The following GLI2 variants were observed in gnomAD, a reference collection of about 807,000 sequenced individuals.
GLI2 encodes the protein transcription activator GLI2.
In GLI2, 22 loss-of-function variants were observed where a neutral mutation model predicts 78.9. The ratio of observed to expected loss-of-function variants is 0.28; its 90% CI spans 0.20 to 0.40. The LOEUF is 0.40. Among genes scored for constraint, GLI2 ranks in the 10% least tolerant of loss-of-function variants. The probability of loss-of-function intolerance (pLI) is 1.00; values close to 1 mark genes in which losing one functional copy is unlikely to be tolerated. For missense variants in GLI2, 2,097 were observed against 2,213.2 expected (o/e 0.95, Z 1.05); for synonymous variants, 974 against 963.7 (o/e 1.01, Z -0.20).
chr2:120,756,363 A>G (rs1683033651), intron 1 of GLI2, among the ~76,000 whole-genome samples: 1 of 152,202 alleles, frequency 6.6e-6, no homozygotes, highest in South Asian at 2.1e-4. Context: ...ATTTGCTAAT[A>G]TTAAAGAATA....
chr2:120,911,065 C>G (rs1005884777), intron 2 of GLI2, among the ~76,000 whole-genome samples: 1 of 152,142 alleles, frequency 6.6e-6, no homozygotes, highest in Admixed American at 6.5e-5. Flanking sequence ...GAGTGGGCAC[C>G]CAGGAGAACA....
intron 3 of GLI2, among the ~76,000 whole-genome samples, chr2:120,939,416 G>C (rs1206083144): frequency 6.6e-6 from 1 of 152,134 alleles, no homozygotes; most frequent in Non-Finnish European, 1.5e-5. Context: ...CCAATCTCCT[G>C]CCTCAGGTCC....
At chr2:120,874,983 C>T (rs1041251322) in intron 2 of GLI2, among the ~76,000 whole-genome samples, 3 of 152,168 alleles carry the variant, frequency 2.0e-5, no homozygotes, top group Non-Finnish European at 4.4e-5. Context: ...CAGACACTTT[C>T]GGCCTGAAAC....
At chr2:120,966,334 C>A (rs536039142) in intron 5 of GLI2, among the ~76,000 whole-genome samples, 81 of 152,286 alleles carry the variant, frequency 5.3e-4, no homozygotes, top group African/African-American at 1.9e-3. Context: ...TGCCCCAAGT[C>A]ATGCAGCTGA....
intron 2 of GLI2, among the ~76,000 whole-genome samples, chr2:120,920,713 G>A (rs924237364): frequency 1.2e-4 from 2 of 16,176 alleles, no homozygotes; most frequent in African/African-American, 3.0e-4. Flanking sequence ...AAACAAATGT[G>A]CATTTTTTTT....
In GLI2 at chr2:120,943,433, G is replaced by A. The variant is rs1045970125; in HGVS notation, c.255-7810G>A. On this transcript the variant is annotated intron_variant, in intron 3 of 13. Transcript: ENST00000361492. ...TGGCCACATGGGATTGTGGCCCCTCGCCTGCTGCCACTGAGGTCATAAGTC... is the reference window on the plus strand; with the variant it reads ...TGGCCACATGGGATTGTGGCCCCTCACCTGCTGCCACTGAGGTCATAAGTC... Among the ~76,000 whole-genome samples, 4 of 152,178 alleles carry A rather than the reference G, an allele frequency of 2.6e-5. No individual in the cohort carries two copies. In the East Asian group the frequency reaches 5.8e-4, roughly 22 times the overall value.
rs17005538 is a variant in GLI2, at chr2:120,968,469, G to A, written c.644-245G>A. On this transcript the variant is annotated intron_variant, in intron 5 of 13. Coordinates refer to ENST00000361492, the MANE Select transcript of GLI2 (RefSeq NM_001374353.1). ...CTATGCTCAGTGCTCATATTCACTC[G>A]CCCAAACACCTTACATGCACTTCTC... is the stretch of plus-strand genomic sequence containing the variant. Among the ~76,000 whole-genome samples, 12,877 of 152,184 alleles carry A rather than the reference G, an allele frequency of 0.085. 1,817 individuals carry two copies. The highest frequency in any genetic ancestry group is 0.29 in the African/African-American group (12,137 of 41,490).
chr2:120,932,301 T>C (rs2104887107), intron 3 of GLI2, among the ~76,000 whole-genome samples: 1 of 152,226 alleles, frequency 6.6e-6, no homozygotes, highest in Non-Finnish European at 1.5e-5. Context: ...CTGGTGACCA[T>C]TTCGTGGGTG....
chr2:120,779,144 A>G (rs1244304310), intron 1 of GLI2, among the ~76,000 whole-genome samples: 10 of 152,216 alleles, frequency 6.6e-5, no homozygotes, highest in Admixed American at 6.5e-4. Context: ...TGCCCAGAGT[A>G]CTTACACGCA....
chr2:120,914,437 A>G (rs1678991554), intron 2 of GLI2, among the ~76,000 whole-genome samples: 1 of 152,208 alleles, frequency 6.6e-6, no homozygotes, highest in South Asian at 2.1e-4. Flanking sequence ...AATCTATTGC[A>G]TTTTGCAGTG....
intron 2 of GLI2, among the ~76,000 whole-genome samples, chr2:120,802,321 G>A (rs1405698266): frequency 6.6e-6 from 1 of 152,204 alleles, no homozygotes; most frequent in Non-Finnish European, 1.5e-5. Flanking sequence ...CAGCCCTGTG[G>A]TCAGACTGGG....
At chr2:120,865,663 A>G (rs1253954154) in intron 2 of GLI2, among the ~76,000 whole-genome samples, 1 of 152,176 alleles carries the variant, frequency 6.6e-6, no homozygotes, top group African/African-American at 2.4e-5. Context: ...CCATGGCCCT[A>G]TAGAAGTGTC....
intron 1 of GLI2, among the ~76,000 whole-genome samples, chr2:120,762,458 C>G (rs997528809): frequency 4.6e-5 from 7 of 152,192 alleles, no homozygotes; most frequent in African/African-American, 1.7e-4. Context: ...GCTGGGCTCT[C>G]TCCCCAGTAC....
intron 1 of GLI2, among the ~76,000 whole-genome samples, chr2:120,762,692 C>A (rs1683250105): frequency 6.6e-6 from 1 of 152,064 alleles, no homozygotes; most frequent in African/African-American, 2.4e-5. Context: ...AGGCTCAGCA[C>A]CAGCCCCCAG....
chr2:120,861,843 G>A (rs947881679), intron 2 of GLI2, among the ~76,000 whole-genome samples: 14 of 152,322 alleles, frequency 9.2e-5, no homozygotes, highest in Admixed American at 8.5e-4. Context: ...ACTCATTACC[G>A]CCTGACCACA....
chr2:120,973,369 C>T (rs917087087), intron 8 of GLI2, among the ~76,000 whole-genome samples: 1 of 152,228 alleles, frequency 6.6e-6, no homozygotes, highest in African/African-American at 2.4e-5. Flanking sequence ...CATGGCCACA[C>T]GCCGGTAGGG....
At chr2:120,818,941 G>C (rs1685635138) in intron 2 of GLI2, among the ~76,000 whole-genome samples, 1 of 150,350 alleles carries the variant, frequency 6.7e-6, no homozygotes, top group Non-Finnish European at 1.5e-5. Context: ...CTCTTTTACT[G>C]ATACCCACTT....
At position 120,975,111 on chromosome 2, in the gene GLI2, T is replaced by TA; in HGVS notation, c.1317+4dup. On this transcript the variant is annotated splice_region_variant and intron_variant, in intron 9 of 13. Transcript: ENST00000361492. ...GACACCCAGGAGCAGCTGGTGCATG[T>TA]AAGCTTTTGAACCCCAGCAGCCCGC... is the stretch of plus-strand genomic sequence containing the variant. The TA allele has an allele frequency of 6.2e-7, 1 of 1,613,742 alleles. No individual in the cohort carries two copies. The highest frequency in any genetic ancestry group is 8.5e-7 in the Non-Finnish European group (1 of 1,180,000).
At chr2:120,906,128 G>A (rs1678519142) in intron 2 of GLI2, among the ~76,000 whole-genome samples, 1 of 152,216 alleles carries the variant, frequency 6.6e-6, no homozygotes, top group South Asian at 2.1e-4. Flanking sequence ...CCTGGTCTCA[G>A]GCAGCACGGT....
Sources: allele counts gnomAD v4.1 joint callset (sites outside exome capture counted in the v4.1 genomes callset), GRCh38; gene constraint gnomAD v4.1.1; transcripts MANE v1.5; gene names NCBI Gene and HGNC (gene_info 2026-07-23, HGNC 2026-07-21).